Variants in CALCRL observed in about 807,000 individuals in gnomAD.
CALCRL encodes calcitonin receptor like receptor.
A neutral mutation model predicts 60.4 loss-of-function variants in CALCRL; 27 were observed. The observed-to-expected ratio is 0.45, with a 90% confidence interval of 0.33 to 0.62. The LOEUF (loss-of-function observed/expected upper bound fraction) is 0.62, where lower values mean the gene tolerates loss of function less well. Ranked by LOEUF, CALCRL falls within the 20% of genes least tolerant of loss-of-function variation. The pLI is 0.03. For synonymous variants in CALCRL, 190 were observed against 182.6 expected (o/e 1.04, Z -0.33); for missense variants, 424 against 540.7 (o/e 0.78, Z 2.14).
intron 1 of CALCRL, among the ~76,000 whole-genome samples, chr2:187,427,301 A>T (rs1690186025): frequency 6.6e-6 from 1 of 152,172 alleles, no homozygotes; most frequent in African/African-American, 2.4e-5. Flanking sequence ...TGGTAAGGGT[A>T]TGGATAACTC....
chr2:187,347,728 G>C (rs950967463), intron 14 of CALCRL, among the ~76,000 whole-genome samples: 2 of 151,546 alleles, frequency 1.3e-5, no homozygotes, highest in African/African-American at 4.8e-5. Flanking sequence ...AGCTTTACAG[G>C]ATACTTCAGA....
chr2:187,371,570 A>G (rs774479173), intron 8 of CALCRL, among the ~76,000 whole-genome samples: 10 of 152,126 alleles, frequency 6.6e-5, no homozygotes, highest in Non-Finnish European at 1.5e-4. Flanking sequence ...TATAGGTTTC[A>G]ACGTAGGATT....
chr2:187,441,295 A>G (rs1363453759), intron 1 of CALCRL, among the ~76,000 whole-genome samples: 1 of 151,804 alleles, frequency 6.6e-6, no homozygotes, highest in African/African-American at 2.4e-5. Context: ...TATGTATTTG[A>G]TTTATCTAAT....
Position 187,383,198 on chromosome 2 carries a change from C to G in CALCRL, c.159G>C (p.Met53Ile). 1 of 1,611,148 alleles carries G rather than the reference C, an allele frequency of 6.2e-7. No homozygotes were observed. The highest frequency in any genetic ancestry group is 8.5e-7 in the Non-Finnish European group (1 of 1,179,418). ...CTTCTGCTTGTTGAATGGGGTCTTG[C>G]ATAATCTTTTGGTAACATTCATATT... is the stretch of plus-strand genomic sequence containing the variant. The part of the protein sequence containing the change: ...TAQYECYQKI[M>I]QDPIQQAEGV... The change falls in exon 5 of 15, where the codon ATG becomes ATC. Residue 53 changes from methionine to isoleucine, a missense_variant. Transcript: ENST00000392370.
intron 4 of CALCRL, among the ~76,000 whole-genome samples, chr2:187,384,517 A>G (rs1688128524): frequency 6.6e-6 from 1 of 152,204 alleles, no homozygotes; most frequent in Middle Eastern, 3.2e-3. Context: ...GTAATGTTCT[A>G]TGCAGCTCGC....
At chr2:187,363,581 C>G in intron 8 of CALCRL, 79 bp from the exon 9 acceptor site, 2 of 1,317,838 alleles carry the variant, frequency 1.5e-6, no homozygotes, top group East Asian at 2.6e-5. Context: ...GATACATTCC[C>G]AATTCATAGC....
intron 8 of CALCRL, among the ~76,000 whole-genome samples, 175 bp downstream of exon 8, chr2:187,378,760 TATTTC>T (rs1687870466): frequency 6.6e-6 from 1 of 152,148 alleles, no homozygotes; most frequent in Non-Finnish European, 1.5e-5. Context: ...CAGGTTAAGA[TATTTC>T]ATCAGTCTCC....
chr2:187,386,231 C>A (rs1323591700), intron 3 of CALCRL, among the ~76,000 whole-genome samples: 12 of 151,932 alleles, frequency 7.9e-5, no homozygotes, highest in African/African-American at 2.7e-4. Flanking sequence ...GAGAGTTTTT[C>A]ATGGACATAA....
Position 187,397,073 on chromosome 2 carries a change from C to T in CALCRL, c.-292-9317G>A, listed in dbSNP as rs557053806. Among the ~76,000 whole-genome samples the T allele has an allele frequency of 3.3e-5, 5 of 151,738 alleles. No individual in the cohort carries two copies. The East Asian group carries it at 7.7e-4, about 24-fold the overall frequency. ...GCAAAACAACTCCTACACCAGAAAG[C>T]TATTGTAAAATAAAATTAGATAATA... On this transcript the variant is annotated intron_variant, in intron 1 of 14. Coordinates refer to ENST00000392370, the MANE Select transcript of CALCRL (RefSeq NM_005795.6).
chr2:187,389,319 C>T lies in CALCRL; in HGVS notation c.-292-1563G>A, dbSNP rs140439522. 0.01 allele frequency among the ~76,000 whole-genome samples: 1,548 copies of T among 152,134 alleles called. 63 individuals carry two copies. In the East Asian group the frequency reaches 0.13, roughly 12 times the overall value. The stretch of plus-strand genomic sequence containing the variant: ...AACTCCTGAGCTCAGGTGATCCACC[C>T]GCCTCCGCCTCCCAAAGTGCTGGGA... On this transcript the variant is annotated intron_variant, in intron 1 of 14. Transcript: ENST00000392370.
chr2:187,351,331 A>C (rs1229092760), intron 14 of CALCRL, among the ~76,000 whole-genome samples: 1 of 151,700 alleles, frequency 6.6e-6, no homozygotes, highest in Non-Finnish European at 1.5e-5. Context: ...AAAATGCCTG[A>C]AACTTCCCAA....
intron 1 of CALCRL, among the ~76,000 whole-genome samples, chr2:187,394,508 A>AT (rs139835548): frequency 1.8e-4 from 27 of 152,040 alleles, no homozygotes; most frequent in African/African-American, 6.5e-4. Context: ...CAAAAATTAC[A>AT]TTTTTTTCCA....
intron 8 of CALCRL, among the ~76,000 whole-genome samples, chr2:187,366,249 C>CAAAAAAAAAAAAAAAAAAAAAAAAAAA (rs59586461): frequency 1.1e-5 from 1 of 94,628 alleles, no homozygotes; most frequent in African/African-American, 4.5e-5. Flanking sequence ...GACTCCGTCT[C>CAAAAAAAAAAAAAAAAAAAAAAAAAAA]AAAAAAAAAA....
intron 1 of CALCRL, chr2:187,428,192 T>A (rs993521505): frequency 6.6e-6 from 1 of 152,172 alleles, no homozygotes; most frequent in Non-Finnish European, 1.5e-5. Context: ...TGGTAGACTT[T>A]CATGGCACTT....
In CALCRL at chr2:187,448,046, A is replaced by G. The variant is rs1274527982; in HGVS notation, c.-300T>C. On this transcript the variant is annotated 5_prime_UTR_variant, in exon 1 of 15. Coordinates refer to ENST00000392370, the MANE Select transcript of CALCRL (RefSeq NM_005795.6). ...TTTTGAATGTGCACTTACCCAGTCC[A>G]GCTCTTAAGGAAATTCTTTGTGAAA... 6.6e-6 allele frequency: 1 copy of G among 152,140 alleles called. No individual in the cohort carries two copies. The highest frequency in any genetic ancestry group is 2.4e-5 in the African/African-American group (1 of 41,444). The allele number at this position is 152,140 out of a possible 1,614,324, so 9.4% of individuals were successfully genotyped here.
intron 8 of CALCRL, among the ~76,000 whole-genome samples, chr2:187,363,850 C>A (rs1687163528): frequency 6.6e-6 from 1 of 152,154 alleles, no homozygotes. Context: ...TTGATCAAAA[C>A]TCCTGCAGCT....
At chr2:187,401,948 G>A (rs1274556606) in intron 1 of CALCRL, among the ~76,000 whole-genome samples, 1 of 151,108 alleles carries the variant, frequency 6.6e-6, no homozygotes, top group Non-Finnish European at 1.5e-5. Context: ...AGGAAAGAAG[G>A]AAGGAAGAAA....
At chr2:187,385,932 T>C (rs529991384) in intron 3 of CALCRL, among the ~76,000 whole-genome samples, 8 of 152,144 alleles carry the variant, frequency 5.3e-5, no homozygotes, top group African/African-American at 1.9e-4. Context: ...GTATTTATAG[T>C]AGAGATGGGG....
chr2:187,433,652 CAACTAAATCTGGAA>C (rs758359424), intron 1 of CALCRL, among the ~76,000 whole-genome samples: 70 of 151,956 alleles, frequency 4.6e-4, no homozygotes, highest in Admixed American at 3.7e-3. Flanking sequence ...AAATCCTAAT[CAACTAAATCTGGAA>C]AACACAGAAA....
Sources: gnomAD v4.1 joint callset for allele counts (sites outside exome capture counted in the v4.1 genomes callset) on GRCh38, gnomAD v4.1.1 for gene constraint, MANE v1.5 for transcripts, NCBI Gene and HGNC (gene_info 2026-07-23, HGNC 2026-07-21) for gene names.